Variants in C16orf78 observed in about 807,000 individuals in gnomAD.
C16orf78 encodes the protein uncharacterized protein C16orf78.
In C16orf78, 19 loss-of-function variants were observed where a neutral mutation model predicts 27.3. That is an observed-to-expected ratio of 0.70 (90% CI 0.49 to 1.02). The LOEUF (loss-of-function observed/expected upper bound fraction) is 1.02, where lower values mean the gene tolerates loss of function less well. Ranked by LOEUF, C16orf78 falls within the 50% of genes least tolerant of loss-of-function variation. C16orf78 has a pLI of 0.00. For missense variants in C16orf78, 339 were observed against 337.0 expected, an observed-to-expected ratio of 1.01 and a Z score of -0.05; for synonymous variants, 130 against 116.1, an observed-to-expected ratio of 1.12 and a Z score of -0.77.
At chr16:49,374,327 C>T (rs1965190073) in intron 1 of C16orf78, among the ~76,000 whole-genome samples, 1 of 152,178 alleles carries the variant, frequency 6.6e-6, no homozygotes, top group South Asian at 2.1e-4. Context: ...CTCACAGAGA[C>T]TGAGAGACAA....
At chr16:49,377,123 A>G (rs573456311) in intron 1 of C16orf78, among the ~76,000 whole-genome samples, 1 of 152,178 alleles carries the variant, frequency 6.6e-6, no homozygotes, top group Non-Finnish European at 1.5e-5. Flanking sequence ...CGAGAGCAGG[A>G]GGGCCAGGAA....
At chr16:49,384,924 CA>C (rs1965329873) in intron 3 of C16orf78, among the ~76,000 whole-genome samples, 1 of 152,094 alleles carries the variant, frequency 6.6e-6, no homozygotes, top group Non-Finnish European at 1.5e-5. Flanking sequence ...AACTGCCAAC[CA>C]AGGATATTAT....
chr16:49,384,329 CA>C (rs1965319957), intron 3 of C16orf78, among the ~76,000 whole-genome samples: 1 of 86,100 alleles, frequency 1.2e-5, no homozygotes, highest in Non-Finnish European at 2.1e-5. Flanking sequence ...GCCTGGGCAA[CA>C]AGAGCAAAAC....
chr16:49,392,034 A>T (rs1178996958), intron 3 of C16orf78, among the ~76,000 whole-genome samples: 1 of 152,204 alleles, frequency 6.6e-6, no homozygotes, highest in Non-Finnish European at 1.5e-5. Flanking sequence ...TGGGCAGGTC[A>T]CACCCACACC....
intron 1 of C16orf78, among the ~76,000 whole-genome samples, chr16:49,377,033 C>A (rs751266560): frequency 1.3e-5 from 2 of 152,210 alleles, no homozygotes; most frequent in Non-Finnish European, 2.9e-5. Context: ...GGGTGGCCCA[C>A]CCTTTAAGTG....
At chr16:49,376,955 T>C (rs964791280) in intron 1 of C16orf78, among the ~76,000 whole-genome samples, 10 of 152,052 alleles carry the variant, frequency 6.6e-5, no homozygotes, top group African/African-American at 2.4e-4. Flanking sequence ...AGATCCAGTC[T>C]ATTTAGTTTC....
At chr16:49,385,677 G>C (rs543016287) in intron 3 of C16orf78, among the ~76,000 whole-genome samples, 1 of 150,762 alleles carries the variant, frequency 6.6e-6, no homozygotes, top group Non-Finnish European at 1.5e-5. Context: ...AAAATGTTTT[G>C]TACAAGCCTT....
chr16:49,374,167 TCTC>T, intron 1 of C16orf78, 78 bp downstream of exon 1: 1 of 1,544,034 alleles, frequency 6.5e-7, no homozygotes, highest in Admixed American at 1.9e-5. Context: ...TGAACTTAAC[TCTC>T]CTGAAACAAA....
At chr16:49,388,638 A>G (rs948624063) in intron 3 of C16orf78, among the ~76,000 whole-genome samples, 2 of 152,118 alleles carry the variant, frequency 1.3e-5, no homozygotes, top group Non-Finnish European at 2.9e-5. Flanking sequence ...CAGCCCCTCA[A>G]GTAGCTGGGA....
chr16:49,374,914 T>A (rs943935059), intron 1 of C16orf78, among the ~76,000 whole-genome samples: 11 of 152,132 alleles, frequency 7.2e-5, no homozygotes, highest in Non-Finnish European at 1.6e-4. Flanking sequence ...TGCCACCTGG[T>A]CTTGAATCTC....
At chr16:49,388,631 C>T (rs1039664763) in intron 3 of C16orf78, among the ~76,000 whole-genome samples, 10 of 152,140 alleles carry the variant, frequency 6.6e-5, no homozygotes, top group African/African-American at 2.4e-4. Context: ...CCCACCTCAG[C>T]CCCTCAAGTA....
Position 49,396,554 on chromosome 16 carries a change from G to T in C16orf78, c.526G>T (p.Asp176Tyr), listed in dbSNP as rs754926704. The T allele has an allele frequency of 6.2e-7, 1 of 1,610,838 alleles. No homozygotes were observed. Among genetic ancestry groups the T allele is most frequent in the South Asian group, 1.1e-5 (1 of 91,078 alleles). Residue 176 changes from aspartate (D) to tyrosine (Y), a missense_variant, in exon 4 of 5, where the codon GAC becomes TAC. By Grantham distance (160) the Asp-to-Tyr change is radical. Transcript: ENST00000299191. ...CAGCCAGAGGGCAACCTTCATAAGA[G>T]ACTGGTCCAACAAGATGCCTGACAT... ...FNSQRATFIR[D>Y]WSNKMPDMAY...
At chr16:49,386,447 G>C (rs541681877) in intron 3 of C16orf78, among the ~76,000 whole-genome samples, 8 of 152,308 alleles carry the variant, frequency 5.3e-5, no homozygotes, top group African/African-American at 1.9e-4. Context: ...GGGACCACAA[G>C]TCATTTTTTT....
At chr16:49,378,048 C>T (rs934801832) in intron 2 of C16orf78, among the ~76,000 whole-genome samples, 198 bp downstream of exon 2, 1 of 152,178 alleles carries the variant, frequency 6.6e-6, no homozygotes, top group African/African-American at 2.4e-5. Context: ...TTGCTGCCTC[C>T]CTGTAGTTTC....
At chr16:49,394,338 A>G (rs1272198234) in intron 3 of C16orf78, among the ~76,000 whole-genome samples, 1 of 152,198 alleles carries the variant, frequency 6.6e-6, no homozygotes, top group Non-Finnish European at 1.5e-5. Flanking sequence ...CATCAAATGT[A>G]CAATGTCTGA....
chr16:49,382,857 A>G (rs545320201), intron 3 of C16orf78, among the ~76,000 whole-genome samples: 61 of 152,066 alleles, frequency 4.0e-4, no homozygotes, highest in Non-Finnish European at 7.5e-4. Context: ...TTGGCTTTTT[A>G]CTTGAAGAGA....
intron 1 of C16orf78, 120 bp from the exon 2 acceptor site, chr16:49,377,611 G>A: frequency 7.8e-7 from 1 of 1,285,606 alleles, no homozygotes; most frequent in Non-Finnish European, 1.1e-6. Context: ...TAGAGTGTGT[G>A]TGCTGAAGCC....
At position 49,387,555 on chromosome 16, in the gene C16orf78, C is replaced by G. The variant is rs1333469632; in HGVS notation, c.395-8868C>G. Among the ~76,000 whole-genome samples, 4 of 152,106 alleles carry G rather than the reference C, an allele frequency of 2.6e-5. No homozygotes were observed. In the East Asian group the frequency reaches 7.7e-4, roughly 29 times the overall value. On this transcript the variant is annotated intron_variant, in intron 3 of 4. Coordinates refer to ENST00000299191, the MANE Select transcript of C16orf78 (RefSeq NM_144602.4). Reference sequence around the variant, plus strand: ...GTTTTGGTATCAGCATGATGCTGACCTCATAGAATGAGTTAGGGAGGAGTC... The same window carrying G: ...GTTTTGGTATCAGCATGATGCTGACGTCATAGAATGAGTTAGGGAGGAGTC...
intron 3 of C16orf78, among the ~76,000 whole-genome samples, chr16:49,391,111 C>T (rs907769704): frequency 3.9e-4 from 60 of 152,274 alleles, no homozygotes; most frequent in African/African-American, 1.2e-3. Context: ...AAACATAAAC[C>T]TTATTGAGTG....
Sources: gnomAD v4.1 joint callset for allele counts (sites outside exome capture counted in the v4.1 genomes callset) on GRCh38, gnomAD v4.1.1 for gene constraint, MANE v1.5 for transcripts, NCBI Gene and HGNC (gene_info 2026-07-23, HGNC 2026-07-21) for gene names.